UNC13C: variants seen among roughly 807,000 people sequenced by gnomAD.
The protein encoded by UNC13C is protein unc-13 homolog C.
Under a neutral mutation model 245.4 loss-of-function variants are expected in UNC13C, and 174 were observed. The ratio of observed to expected loss-of-function variants is 0.71; its 90% CI spans 0.63 to 0.80. UNC13C has a LOEUF of 0.80. Among genes scored for constraint, UNC13C ranks in the 30% least tolerant of loss-of-function variants. The probability of loss-of-function intolerance (pLI) is 0.00; values close to 1 mark genes in which losing one functional copy is unlikely to be tolerated. For synonymous variants in UNC13C, 992 were observed against 895.1 expected (o/e 1.11, Z -1.93); for missense variants, 2,829 against 2,602.9 (o/e 1.09, Z -1.89).
At chr15:54,377,842 T>C (rs1029994031) in intron 17 of UNC13C, among the ~76,000 whole-genome samples, 1 of 152,196 alleles carries the variant, frequency 6.6e-6, no homozygotes, top group East Asian at 1.9e-4. Context: ...TAGTATTGCA[T>C]TGGTGATTAG....
At chr15:54,576,324 C>G (rs1484399667) in intron 30 of UNC13C, among the ~76,000 whole-genome samples, 2 of 152,244 alleles carry the variant, frequency 1.3e-5, no homozygotes, top group African/African-American at 2.4e-5. Flanking sequence ...TTCCTTCCCA[C>G]AGCCTATGCT....
At chr15:54,256,672 A>T (rs558749997) in intron 8 of UNC13C, among the ~76,000 whole-genome samples, 1 of 152,280 alleles carries the variant, frequency 6.6e-6, no homozygotes, top group Admixed American at 6.5e-5. Context: ...AAACAATGAC[A>T]ACGACAACAA....
chr15:54,489,891 C>A (rs1315685930), intron 19 of UNC13C, among the ~76,000 whole-genome samples: 1 of 152,180 alleles, frequency 6.6e-6, no homozygotes, highest in Non-Finnish European at 1.5e-5. Context: ...CAAGATCAGA[C>A]TTGTATCACC....
At chr15:54,471,535 G>A (rs566648278) in intron 19 of UNC13C, among the ~76,000 whole-genome samples, 30 of 151,486 alleles carry the variant, frequency 2.0e-4, no homozygotes, top group Non-Finnish European at 4.0e-4. Context: ...GGCTTTCTTT[G>A]CATGTTCTAC....
chr15:53,940,015 T>TA, the UNC13C span, among the ~76,000 whole-genome samples: 1 of 152,076 alleles, frequency 6.6e-6, no homozygotes, highest in Admixed American at 6.6e-5. Flanking sequence ...TGAAGGAACT[T>TA]AGAGGAGGGA....
intron 2 of UNC13C, among the ~76,000 whole-genome samples, chr15:54,102,086 C>G (rs1567015102): frequency 6.7e-6 from 1 of 149,254 alleles, no homozygotes; most frequent in East Asian, 2.0e-4. Context: ...TGGAATTTGA[C>G]CATAGTCATA....
At chr15:54,538,181 A>C (rs1188496174) in intron 26 of UNC13C, among the ~76,000 whole-genome samples, 1 of 150,348 alleles carries the variant, frequency 6.7e-6, no homozygotes, top group Non-Finnish European at 1.5e-5. Context: ...AAAAATGAGC[A>C]AAGCATATGA....
chr15:54,321,987 C>A lies in UNC13C; in HGVS notation c.4317C>A (p.Ala1439=), dbSNP rs1456557771. The change falls in exon 14 of 33, where the codon GCC becomes GCA. Residue 1439 remains alanine, a synonymous_variant. Coordinates refer to ENST00000260323, the MANE Select transcript of UNC13C (RefSeq NM_001080534.3). ...AATACATGTGCCCCGGTGTCCCTGCCGTCATGAGCACCTTGCTGGCTAATA... is the reference window on the plus strand; with the variant it reads ...AATACATGTGCCCCGGTGTCCCTGCAGTCATGAGCACCTTGCTGGCTAATA... The part of the protein sequence containing the change: ...SSKYMCPGVP[A]VMSTLLANIN... 1.7e-5 allele frequency: 27 copies of A among 1,587,786 alleles called. No homozygotes were observed. The highest frequency in any genetic ancestry group is 2.1e-5 in the Non-Finnish European group (25 of 1,165,744).
chr15:54,309,603 T>C (rs939036684), intron 13 of UNC13C, among the ~76,000 whole-genome samples: 1 of 151,858 alleles, frequency 6.6e-6, no homozygotes, highest in Non-Finnish European at 1.5e-5. Context: ...CAGTTTTTCC[T>C]CTATGTTTTC....
the UNC13C span, among the ~76,000 whole-genome samples, chr15:53,871,380 G>T: frequency 6.6e-6 from 1 of 151,934 alleles, no homozygotes; most frequent in Non-Finnish European, 1.5e-5. Context: ...TCTTACTTAG[G>T]TTCAGCTTAC....
intron 26 of UNC13C, among the ~76,000 whole-genome samples, chr15:54,535,207 G>A (rs892046103): frequency 3.3e-5 from 5 of 152,034 alleles, no homozygotes; most frequent in Admixed American, 1.3e-4. Context: ...ACAAAAAAGA[G>A]CAGGGGTTGC....
At chr15:53,864,353 A>G in the UNC13C span, among the ~76,000 whole-genome samples, 12 of 152,324 alleles carry the variant, frequency 7.9e-5, no homozygotes, top group Non-Finnish European at 1.3e-4. Context: ...GAAAATAATA[A>G]TAAAAGTTGT....
chr15:54,020,184 C>G (rs187445627), intron 2 of UNC13C, among the ~76,000 whole-genome samples: 85 of 152,162 alleles, frequency 5.6e-4, no homozygotes, highest in African/African-American at 2.0e-3. Flanking sequence ...AGCAAATATA[C>G]CTGCTCACAC....
chr15:54,005,414 A>G (rs1895090807), intron 1 of UNC13C, among the ~76,000 whole-genome samples: 2 of 152,128 alleles, frequency 1.3e-5, no homozygotes, highest in Non-Finnish European at 2.9e-5. Context: ...CTTCCAAGCT[A>G]TGTGGCTTTG....
At chr15:54,000,850 C>A (rs1261827804) in intron 1 of UNC13C, among the ~76,000 whole-genome samples, 1 of 152,100 alleles carries the variant, frequency 6.6e-6, no homozygotes, top group Non-Finnish European at 1.5e-5. Context: ...ACCAACTTCC[C>A]AGCAATATTC....
At chr15:53,996,250 T>C (rs1452291842) in intron 1 of UNC13C, among the ~76,000 whole-genome samples, 3 of 152,186 alleles carry the variant, frequency 2.0e-5, no homozygotes, top group African/African-American at 4.8e-5. Context: ...TTTGTTCCAA[T>C]TGTGTGACAG....
At chr15:54,155,703 C>T (rs1250772547) in intron 4 of UNC13C, among the ~76,000 whole-genome samples, 1 of 152,078 alleles carries the variant, frequency 6.6e-6, no homozygotes, top group Non-Finnish European at 1.5e-5. Context: ...AATGTACTTT[C>T]CAGATGGGTG....
At chr15:54,221,208 A>G (rs1242615976) in intron 4 of UNC13C, among the ~76,000 whole-genome samples, 3 of 152,056 alleles carry the variant, frequency 2.0e-5, no homozygotes, top group Non-Finnish European at 4.4e-5. Context: ...TCTAATTGCT[A>G]AGAAGGCATA....
chr15:53,978,458 A>G lies in UNC13C; in HGVS notation c.-726A>G, dbSNP rs113698912. On this transcript the variant is annotated 5_prime_UTR_variant, in exon 1 of 33. Transcript: ENST00000260323. Reference sequence around the variant, plus strand: ...CTGCATTCAGAAAAGACTCAGCCGCAGCCGGCGATGTGTGAAGTTCCCAGC... The same window carrying G: ...CTGCATTCAGAAAAGACTCAGCCGCGGCCGGCGATGTGTGAAGTTCCCAGC... 0.015 allele frequency among the ~76,000 whole-genome samples: 2,338 copies of G among 152,182 alleles called. 73 individuals are homozygous for G. The highest frequency in any genetic ancestry group is 0.054 in the African/African-American group (2,237 of 41,530).
Sources: allele counts gnomAD v4.1 joint callset (sites outside exome capture counted in the v4.1 genomes callset), GRCh38; gene constraint gnomAD v4.1.1; transcripts MANE v1.5; gene names NCBI Gene and HGNC (gene_info 2026-07-23, HGNC 2026-07-21).